The following MCF2L2 variants were observed in gnomAD, a reference collection of about 807,000 sequenced individuals.
The protein encoded by MCF2L2 is probable guanine nucleotide exchange factor MCF2L2.
MCF2L2 carries 102 observed loss-of-function variants against 150.2 expected under a neutral mutation model. The observed-to-expected ratio is 0.68, with a 90% CI of 0.58 to 0.80. The LOEUF (loss-of-function observed/expected upper bound fraction) is 0.80, where lower values mean the gene tolerates loss of function less well. Ranked by LOEUF, MCF2L2 falls within the 30% of genes least tolerant of loss-of-function variation. The pLI is 0.00. For synonymous variants in MCF2L2, 465 were observed against 491.3 expected, an observed-to-expected ratio of 0.95 and a Z score of 0.71; for missense variants, 1,256 against 1,372.8, an observed-to-expected ratio of 0.91 and a Z score of 1.34.
chr3:183,298,525 A>G (rs1001144153), intron 11 of MCF2L2: 4 of 152,210 alleles, frequency 2.6e-5, no homozygotes, highest in African/African-American at 9.7e-5. Context: ...AATAATTACC[A>G]TTATGTAGGG....
chr3:183,406,929 T>C (rs984385986), intron 1 of MCF2L2, among the ~76,000 whole-genome samples: 1 of 152,224 alleles, frequency 6.6e-6, no homozygotes, highest in African/African-American at 2.4e-5. Flanking sequence ...TTTTGGTCTT[T>C]GTGACCAACT....
chr3:183,342,972 C>T (rs1024453911), intron 3 of MCF2L2, among the ~76,000 whole-genome samples: 5 of 152,040 alleles, frequency 3.3e-5, no homozygotes, highest in Admixed American at 6.6e-5. Context: ...TTGGGTTAAT[C>T]GATTCTCACA....
chr3:183,341,543 T>G lies in MCF2L2; in HGVS notation c.363A>C (p.Ile121=), dbSNP rs745568180. 4.4e-6 allele frequency: 7 copies of G among 1,605,864 alleles called. No homozygotes were observed. In the South Asian group the frequency reaches 7.7e-5, roughly 18 times the overall value. ...WSSVKASLTR[I]AVAFPGNLQL... ...AAGCACAAAAATAAATATTTACAGCTATTCGTGTCAAGGATGCCTTTACGG... is the reference window on the plus strand; with the variant it reads ...AAGCACAAAAATAAATATTTACAGCGATTCGTGTCAAGGATGCCTTTACGG... Residue 121 remains isoleucine, a synonymous_variant, in exon 4 of 30, where the codon ATA becomes ATC. Coordinates refer to ENST00000328913, the MANE Select transcript of MCF2L2 (RefSeq NM_015078.4).
In MCF2L2 at chr3:183,214,830, CA is replaced by C. The variant is rs576928280; in HGVS notation, c.2496+1138del. Among the ~76,000 whole-genome samples the C allele has an allele frequency of 7.6e-3, 935 of 123,738 alleles. 3 individuals are homozygous for C. Among genetic ancestry groups the C allele is most frequent in the East Asian group, 0.03 (126 of 4,210 alleles). The allele number at this position is 123,738 out of a possible 152,430, so 81.2% of individuals were successfully genotyped here. A position where few individuals can be genotyped will look rare whatever the true frequency, so the allele number is the denominator to read the frequency against. ...AGAAGCCCCGTCTCTACTAAAAATA[CA>C]AAAAAAAAAAAAAATTAGCAAGGTG... On this transcript the variant is annotated intron_variant, in intron 22 of 29. Coordinates refer to ENST00000328913, the MANE Select transcript of MCF2L2 (RefSeq NM_015078.4).
intron 3 of MCF2L2, among the ~76,000 whole-genome samples, chr3:183,350,799 G>A (rs1480917767): frequency 1.3e-5 from 2 of 151,958 alleles, no homozygotes; most frequent in African/African-American, 4.8e-5. Flanking sequence ...AGCTACTCCA[G>A]AGGCTGAGGC....
chr3:183,296,898 T>C (rs1029236138), intron 12 of MCF2L2, 78 bp downstream of exon 12: 16 of 1,478,900 alleles, frequency 1.1e-5, no homozygotes, highest in Non-Finnish European at 1.5e-5. Flanking sequence ...TGTGTGTACT[T>C]TATCAGGAAG....
chr3:183,277,229 C>G (rs1016794580), intron 14 of MCF2L2, among the ~76,000 whole-genome samples: 7 of 151,602 alleles, frequency 4.6e-5, no homozygotes, highest in African/African-American at 1.5e-4. Flanking sequence ...CCCAGCTACT[C>G]TGGAGGCTGA....
chr3:183,356,839 A>T (rs1216466133), intron 3 of MCF2L2, among the ~76,000 whole-genome samples: 1 of 152,186 alleles, frequency 6.6e-6, no homozygotes, highest in African/African-American at 2.4e-5. Context: ...AACTACAAAA[A>T]AGTTTATATT....
At chr3:183,289,291 G>A (rs1727983404) in intron 13 of MCF2L2, 71 bp from the exon 14 acceptor site, 1 of 1,026,320 alleles carries the variant, frequency 9.7e-7, no homozygotes, top group South Asian at 1.3e-5. Context: ...GTCTGATTTG[G>A]ACAAATAGCT....
rs1729649441 is a variant in MCF2L2 at position 183,317,528 on chromosome 3, G to A, written c.753+540C>T. ...GTGCCTGACCTTCAACTCAGGACAG[G>A]GTGCCTTCCGTAGTCCTTTTTCTCA... On this transcript the variant is annotated intron_variant, in intron 7 of 29. Coordinates refer to ENST00000328913, the MANE Select transcript of MCF2L2 (RefSeq NM_015078.4). Among the ~76,000 whole-genome samples the A allele has an allele frequency of 2.6e-5, 4 of 152,144 alleles. No homozygotes were observed. The South Asian group carries it at 8.3e-4, about 32-fold the overall frequency.
chr3:183,204,910 A>G (rs565439865), intron 25 of MCF2L2, among the ~76,000 whole-genome samples: 4 of 152,214 alleles, frequency 2.6e-5, no homozygotes, highest in Non-Finnish European at 2.9e-5. Context: ...AGAAAGGGCC[A>G]TATATGTGAT....
chr3:183,323,277 C>T lies in MCF2L2; in HGVS notation c.561G>A (p.Gly187=). ...DKSQLTRELG[G]TLEYRHGQWV... ...ACTGACCGTGGCGATATTCCAAAGT[C>T]CCCCCTAATTCCCGGGTCAGTTGGC... Residue 187 remains glycine, a synonymous_variant, in exon 6 of 30, where the codon GGG becomes GGA. Coordinates refer to ENST00000328913, the MANE Select transcript of MCF2L2 (RefSeq NM_015078.4). The T allele has an allele frequency of 4.3e-6, 7 of 1,613,584 alleles. No individual in the cohort carries two copies. Among genetic ancestry groups the T allele is most frequent in the Non-Finnish European group, 5.9e-6 (7 of 1,179,572 alleles).
intron 15 of MCF2L2, chr3:183,254,721 G>C (rs2108395292): frequency 6.6e-6 from 1 of 152,396 alleles, no homozygotes; most frequent in South Asian, 2.1e-4. Context: ...GAAAGCCCGT[G>C]TCGGGCTGGA....
chr3:183,299,802 G>C, intron 11 of MCF2L2: 1 of 541,528 alleles, frequency 1.8e-6, no homozygotes, highest in Non-Finnish European at 3.2e-6. Context: ...GATGTGGTGG[G>C]ATGGCCAGAG....
At chr3:183,307,871 C>G (rs1305768014) in intron 10 of MCF2L2, among the ~76,000 whole-genome samples, 1 of 152,236 alleles carries the variant, frequency 6.6e-6, no homozygotes, top group Non-Finnish European at 1.5e-5. Context: ...CCTGCTCTAG[C>G]AATGTTCCTT....
chr3:183,415,757 C>T (rs778005042), intron 1 of MCF2L2, among the ~76,000 whole-genome samples: 8 of 151,962 alleles, frequency 5.3e-5, no homozygotes, highest in Non-Finnish European at 1.0e-4. Context: ...TTTGAATATA[C>T]TAGTTGTATC....
chr3:183,304,232 G>A (rs1262286540), intron 10 of MCF2L2, among the ~76,000 whole-genome samples: 2 of 152,230 alleles, frequency 1.3e-5, no homozygotes, highest in African/African-American at 4.8e-5. Flanking sequence ...TCCAGAACCA[G>A]CTCTTATTCA....
chr3:183,297,705 T>G (rs953819116), intron 11 of MCF2L2: 1 of 153,846 alleles, frequency 6.5e-6, no homozygotes, highest in Non-Finnish European at 1.4e-5. Context: ...TTTCTTTCCT[T>G]TTTTTGAGAC....
chr3:183,284,513 G>A (rs1470092057), intron 14 of MCF2L2, among the ~76,000 whole-genome samples: 4 of 152,012 alleles, frequency 2.6e-5, no homozygotes, highest in African/African-American at 9.7e-5. Context: ...ACCAGCCTGG[G>A]CAACATGGTG....
Sources: allele counts gnomAD v4.1 joint callset (sites outside exome capture counted in the v4.1 genomes callset), GRCh38; gene constraint gnomAD v4.1.1; transcripts MANE v1.5; gene names NCBI Gene and HGNC (gene_info 2026-07-23, HGNC 2026-07-21).